The following ZNF628 variants were observed in gnomAD, a reference collection of about 807,000 sequenced individuals.
ZNF628 encodes the protein zinc finger protein 628, also known as zinc finger protein Zec.
ZNF628 carries 3 observed loss-of-function variants against 2.5 expected under a neutral mutation model. The observed-to-expected ratio is 1.19, with a 90% confidence interval of 0.54 to 3.07. The LOEUF (loss-of-function observed/expected upper bound fraction) is 3.07, where lower values mean the gene tolerates loss of function less well. ZNF628 is among the 30% of genes most tolerant of loss of function. The pLI is 0.03. For synonymous variants in ZNF628, 861 were observed against 717.1 expected (o/e 1.20, Z -3.21); for missense variants, 1,610 against 1,517.1 (o/e 1.06, Z -1.02).
chr19:55,480,034 G>A (rs1986658482), intron 2 of ZNF628, 117 bp downstream of exon 2: 1 of 396,906 alleles, frequency 2.5e-6, no homozygotes, highest in Non-Finnish European at 4.4e-6. Context: ...GGCCAGGCAA[G>A]GGGGTGCCTG....
chr19:55,478,402 G>A (rs1986615459), intron 1 of ZNF628, among the ~76,000 whole-genome samples: 1 of 152,216 alleles, frequency 6.6e-6, no homozygotes, highest in Non-Finnish European at 1.5e-5. Flanking sequence ...AAGGAAGGGG[G>A]TGGTTCTAGG....
chr19:55,478,329 T>C (rs1986613278), intron 1 of ZNF628, among the ~76,000 whole-genome samples: 1 of 151,822 alleles, frequency 6.6e-6, no homozygotes, highest in Non-Finnish European at 1.5e-5. Context: ...TCAGGGAAGC[T>C]CTTGCAGAGG....
chr19:55,478,954 G>A (rs1215161896), intron 1 of ZNF628, among the ~76,000 whole-genome samples: 2 of 152,198 alleles, frequency 1.3e-5, no homozygotes, highest in Admixed American at 1.3e-4. Context: ...TGTCTAATGA[G>A]GCATCCAGGT....
rs556848920 is a variant in ZNF628 at position 55,479,306 on chromosome 19, C to T, written c.-77-528C>T. 1.7e-3 allele frequency among the ~76,000 whole-genome samples: 260 copies of T among 152,270 alleles called. 1 individual carries two copies. The highest frequency in any genetic ancestry group is 6.0e-3 in the African/African-American group (248 of 41,554). On this transcript the variant is annotated intron_variant, in intron 1 of 2. Coordinates refer to ENST00000598519, the MANE Select transcript of ZNF628 (RefSeq NM_033113.3). The surrounding 1 kb of genome is among the most constrained non-coding windows in gnomAD (Gnocchi z 5.1). ...GCCCAGGCCATGGAGTGGGGGCACCCGCGTGGGACTGAAGGGGTTTGCGCT... is the reference window on the plus strand; with the variant it reads ...GCCCAGGCCATGGAGTGGGGGCACCTGCGTGGGACTGAAGGGGTTTGCGCT...
Sources: gnomAD v4.1 joint callset for allele counts (sites outside exome capture counted in the v4.1 genomes callset) on GRCh38, gnomAD v4.1.1 for gene constraint, Gnocchi (gnomAD v3.1) non-coding constraint, MANE v1.5 for transcripts, NCBI Gene and HGNC (gene_info 2026-07-23, HGNC 2026-07-21) for gene names.